The following CFAP58 variants were observed in gnomAD, a reference collection of about 807,000 sequenced individuals.
CFAP58 encodes cilia- and flagella-associated protein 58.
Under a neutral mutation model 119.5 loss-of-function variants are expected in CFAP58, and 88 were observed. The observed-to-expected ratio is 0.74, with a 90% CI of 0.62 to 0.88. The LOEUF is 0.88. Among genes scored for constraint, CFAP58 ranks in the 40% least tolerant of loss-of-function variants. The pLI, the probability that CFAP58 is intolerant of heterozygous loss-of-function variation, is 0.00. For missense variants in CFAP58, 990 were observed against 1,021.2 expected (o/e 0.97, Z 0.42); for synonymous variants, 365 against 366.3 (o/e 1.00, Z 0.04).
At chr10:104,382,009 A>T in intron 9 of CFAP58, 1 of 691,888 alleles carries the variant, frequency 1.4e-6, no homozygotes, top group Middle Eastern at 2.4e-4. Context: ...ATCAGTTTAC[A>T]CTGCACAAAT....
chr10:104,369,328 T>C (rs1460373870), intron 6 of CFAP58, among the ~76,000 whole-genome samples: 1 of 152,224 alleles, frequency 6.6e-6, no homozygotes, highest in Admixed American at 6.5e-5. Flanking sequence ...CACACACTTA[T>C]TTGCATATCT....
At position 104,447,831 on chromosome 10, in the gene CFAP58, C is replaced by T; in HGVS notation, c.2376+14C>T. ...CAGCAGCTGAAAGTAAGTGGTAGCC[C>T]CTGTTCCTTCCGGGTTCCAGGGCAG... is the stretch of plus-strand genomic sequence containing the variant. On this transcript the variant is annotated intron_variant, in intron 16 of 17. Transcript: ENST00000369704. The T allele has an allele frequency of 6.3e-7, 1 of 1,595,538 alleles. No individual in the cohort carries two copies. The highest frequency in any genetic ancestry group is 8.6e-7 in the Non-Finnish European group (1 of 1,169,000).
At chr10:104,357,796 T>C (rs1258182103) in intron 1 of CFAP58, among the ~76,000 whole-genome samples, 2 of 147,806 alleles carry the variant, frequency 1.4e-5, no homozygotes, top group Non-Finnish European at 3.0e-5. Flanking sequence ...TATATACATA[T>C]ATATACACAC....
intron 9 of CFAP58, chr10:104,382,191 G>C (rs201697721): frequency 7.1e-5 from 51 of 717,342 alleles, no homozygotes; most frequent in Admixed American, 1.6e-4. Context: ...GACCCTCAGG[G>C]AGCTTCTGAG....
chr10:104,358,061 A>C (rs2014614147), intron 1 of CFAP58, among the ~76,000 whole-genome samples: 1 of 149,810 alleles, frequency 6.7e-6, no homozygotes, highest in South Asian at 2.1e-4. Context: ...ATATGTACAT[A>C]TATACACATA....
rs928956981 is a variant in CFAP58 at position 104,365,918 on chromosome 10, C to T, written c.702C>T (p.Ser234=). ...AGCAGATTCAGGCAGACATGGACAG[C>T]AGGCAGACAGAAATAAAAGCCCTGC... ...ELKQIQADMD[S]RQTEIKALQQ... Residue 234 remains serine, a synonymous_variant, in exon 5 of 18, where the codon AGC becomes AGT. Coordinates refer to ENST00000369704, the MANE Select transcript of CFAP58 (RefSeq NM_001008723.2). The T allele has an allele frequency of 6.2e-7, 1 of 1,613,342 alleles. No individual in the cohort carries two copies. Among genetic ancestry groups the T allele is most frequent in the African/African-American group, 1.3e-5 (1 of 74,792 alleles).
intron 15 of CFAP58, among the ~76,000 whole-genome samples, chr10:104,413,472 G>C (rs908815982): frequency 5.9e-5 from 9 of 152,134 alleles, no homozygotes; most frequent in Non-Finnish European, 1.5e-5. Flanking sequence ...TGAACAGGAA[G>C]GATTTCTTTT....
chr10:104,440,120 C>G lies in CFAP58; in HGVS notation c.2257-7578C>G, dbSNP rs1433882770. On this transcript the variant is annotated intron_variant, in intron 15 of 17. Coordinates refer to ENST00000369704, the MANE Select transcript of CFAP58 (RefSeq NM_001008723.2). ...TACAGGCGTGAGCCACCGCGCCCGGCCACTGATTTACTATTTTAAACAACT... is the reference window on the plus strand; with the variant it reads ...TACAGGCGTGAGCCACCGCGCCCGGGCACTGATTTACTATTTTAAACAACT... Among the ~76,000 whole-genome samples, 3 of 148,096 alleles carry G rather than the reference C, an allele frequency of 2.0e-5. 1 individual carries two copies. Among genetic ancestry groups the G allele is most frequent in the African/African-American group, 7.7e-5 (3 of 38,922 alleles).
At chr10:104,357,671 T>C (rs1258067614) in intron 1 of CFAP58, among the ~76,000 whole-genome samples, 1 of 152,144 alleles carries the variant, frequency 6.6e-6, no homozygotes, top group Non-Finnish European at 1.5e-5. Context: ...TAACATCATG[T>C]AGTGGGAACT....
chr10:104,339,691 C>G, the CFAP58 span, among the ~76,000 whole-genome samples: 10 of 152,218 alleles, frequency 6.6e-5, no homozygotes, highest in East Asian at 3.8e-4. Context: ...AATAGACTCC[C>G]TGGCCCTTGG....
At chr10:104,338,670 A>G in the CFAP58 span, among the ~76,000 whole-genome samples, 1 of 152,074 alleles carries the variant, frequency 6.6e-6, no homozygotes, top group Non-Finnish European at 1.5e-5. Flanking sequence ...AGGCCAGTGG[A>G]GTAAACTGGA....
chr10:104,370,432 A>G (rs2014807127), intron 6 of CFAP58, among the ~76,000 whole-genome samples: 1 of 152,208 alleles, frequency 6.6e-6, no homozygotes, highest in African/African-American at 2.4e-5. Flanking sequence ...TCTTATGTGG[A>G]TGGCAGCAGG....
chr10:104,412,600 A>G (rs958682890), intron 15 of CFAP58, among the ~76,000 whole-genome samples: 1 of 152,214 alleles, frequency 6.6e-6, no homozygotes, highest in Non-Finnish European at 1.5e-5. Flanking sequence ...TCACAATAGA[A>G]TATTTTGCAA....
chr10:104,373,263 T>C (rs1156816057), intron 7 of CFAP58, among the ~76,000 whole-genome samples: 1 of 152,184 alleles, frequency 6.6e-6, no homozygotes, highest in Non-Finnish European at 1.5e-5. Context: ...ATTAAGTTCC[T>C]GGATGAGAAA....
At chr10:104,441,923 C>T (rs2133091938) in intron 15 of CFAP58, among the ~76,000 whole-genome samples, 1 of 152,148 alleles carries the variant, frequency 6.6e-6, no homozygotes, top group East Asian at 1.9e-4. Flanking sequence ...CAAGAAAGCC[C>T]CAGGGTATTA....
rs562556822 is a variant in CFAP58, at chr10:104,358,026, T to C, written c.10-315T>C. ...ATATATACACATATATGTACATATA[T>C]ATACATATGTACATATACACACATA... On this transcript the variant is annotated intron_variant, in intron 1 of 17. Transcript: ENST00000369704. Among the ~76,000 whole-genome samples the C allele has an allele frequency of 9.5e-5, 14 of 146,748 alleles. No homozygotes were observed. The South Asian group carries it at 2.1e-3, about 22-fold the overall frequency.
chr10:104,384,211 T>G (rs2011877883), intron 9 of CFAP58, among the ~76,000 whole-genome samples: 1 of 152,234 alleles, frequency 6.6e-6, no homozygotes, highest in Non-Finnish European at 1.5e-5. Context: ...GTCTCCAGTT[T>G]TGTCTGTATG....
chr10:104,425,501 C>T (rs1330868), intron 15 of CFAP58, among the ~76,000 whole-genome samples: 22,429 of 152,198 alleles, frequency 0.15, 1,852 homozygotes, highest in Middle Eastern at 0.31. Flanking sequence ...ACTCCCATAG[C>T]CGCAGCTAAC....
intron 14 of CFAP58, among the ~76,000 whole-genome samples, chr10:104,404,646 G>GGAGA (rs2012326261): frequency 6.6e-6 from 1 of 151,768 alleles, no homozygotes; most frequent in African/African-American, 2.4e-5. Flanking sequence ...GTCTCGCTCT[G>GGAGA]TCACCCAGGC....
Sources: allele counts gnomAD v4.1 joint callset (sites outside exome capture counted in the v4.1 genomes callset), GRCh38; gene constraint gnomAD v4.1.1; transcripts MANE v1.5; gene names NCBI Gene and HGNC (gene_info 2026-07-23, HGNC 2026-07-21).